PAPPA2: variants seen among roughly 807,000 people sequenced by gnomAD.
PAPPA2 encodes pappalysin 2, also known as pappalysin-2.
Under a neutral mutation model 176.4 loss-of-function variants are expected in PAPPA2, and 86 were observed. The ratio of observed to expected loss-of-function variants is 0.49; its 90% CI spans 0.41 to 0.58. PAPPA2 has a LOEUF of 0.58. PAPPA2 is among the 20% of genes least tolerant of loss of function. The pLI, the probability that PAPPA2 is intolerant of heterozygous loss-of-function variation, is 0.00. For missense variants in PAPPA2, 2,073 were observed against 2,256.9 expected, an observed-to-expected ratio of 0.92 and a Z score of 1.65; for synonymous variants, 809 against 852.2, an observed-to-expected ratio of 0.95 and a Z score of 0.88.
At chr1:176,829,888 G>A (rs1463946880) in intron 21 of PAPPA2, among the ~76,000 whole-genome samples, 1 of 152,250 alleles carries the variant, frequency 6.6e-6, no homozygotes, top group Non-Finnish European at 1.5e-5. Flanking sequence ...ACCTTACTGG[G>A]CAGGATGCCT....
intron 14 of PAPPA2, among the ~76,000 whole-genome samples, chr1:176,748,073 C>T (rs981300554): frequency 2.0e-5 from 3 of 152,138 alleles, no homozygotes; most frequent in African/African-American, 7.2e-5. Context: ...ACTTTGTATT[C>T]AATTGATTAG....
chr1:176,658,266 T>C (rs1658136635), intron 3 of PAPPA2, among the ~76,000 whole-genome samples: 1 of 151,968 alleles, frequency 6.6e-6, no homozygotes, highest in Non-Finnish European at 1.5e-5. Context: ...GTTTTGATGT[T>C]GTACAGGTTG....
At chr1:176,715,956 A>G (rs1558538556) in intron 12 of PAPPA2, among the ~76,000 whole-genome samples, 1 of 151,500 alleles carries the variant, frequency 6.6e-6, no homozygotes, top group Non-Finnish European at 1.5e-5. Context: ...GCAGTTATTA[A>G]TAAAATATGC....
Position 176,656,443 on chromosome 1 carries a change from G to A in PAPPA2, c.1992-14527G>A, listed in dbSNP as rs188386504. The stretch of plus-strand genomic sequence containing the variant: ...TGACAACTCTTTGTATGGTGACTAA[G>A]GGCAGAGCAGATTCTTGGCAAAAAC... On this transcript the variant is annotated intron_variant, in intron 3 of 22. Transcript: ENST00000367662. 3.9e-5 allele frequency among the ~76,000 whole-genome samples: 6 copies of A among 151,948 alleles called. No homozygotes were observed. The East Asian group carries it at 1.2e-3, about 30-fold the overall frequency.
At chr1:176,705,376 T>C (rs1440345808) in intron 9 of PAPPA2, among the ~76,000 whole-genome samples, 1 of 152,218 alleles carries the variant, frequency 6.6e-6, no homozygotes, top group Non-Finnish European at 1.5e-5. Flanking sequence ...TCATTTCTAA[T>C]TATTTAATCT....
At chr1:176,730,605 T>TG (rs1662095707) in intron 12 of PAPPA2, among the ~76,000 whole-genome samples, 1 of 151,700 alleles carries the variant, frequency 6.6e-6, no homozygotes. Flanking sequence ...TTTTGTTTTT[T>TG]TTTTGTATTT....
chr1:176,764,258 TAGC>T (rs1325741095), intron 14 of PAPPA2, among the ~76,000 whole-genome samples: 12 of 152,112 alleles, frequency 7.9e-5, no homozygotes, highest in Non-Finnish European at 1.5e-4. Flanking sequence ...ATCCAAACCA[TAGC>T]AGAAGGCCTT....
At chr1:176,697,345 T>C (rs1367338251) in intron 7 of PAPPA2, among the ~76,000 whole-genome samples, 1 of 152,162 alleles carries the variant, frequency 6.6e-6, no homozygotes, top group Non-Finnish European at 1.5e-5. Context: ...ATAATAATTA[T>C]CAGACAAAAT....
intron 4 of PAPPA2, among the ~76,000 whole-genome samples, chr1:176,685,399 C>T (rs1659789950): frequency 1.3e-5 from 2 of 152,232 alleles, no homozygotes; most frequent in Non-Finnish European, 1.5e-5. Flanking sequence ...AAAGAAGGAG[C>T]CCTGGCCTCT....
At chr1:176,660,137 AAGG>A (rs1282340289) in intron 3 of PAPPA2, among the ~76,000 whole-genome samples, 1 of 152,084 alleles carries the variant, frequency 6.6e-6, no homozygotes, top group Non-Finnish European at 1.5e-5. Context: ...GTCCTTAAAG[AAGG>A]ATAGCACTGA....
At chr1:176,701,160 C>A (rs1428504475) in intron 8 of PAPPA2, among the ~76,000 whole-genome samples, 3 of 152,020 alleles carry the variant, frequency 2.0e-5, no homozygotes, top group Non-Finnish European at 2.9e-5. Context: ...TAGTAAATAG[C>A]AAAATCGGAA....
At chr1:176,727,523 T>A (rs967009601) in intron 12 of PAPPA2, among the ~76,000 whole-genome samples, 2 of 152,084 alleles carry the variant, frequency 1.3e-5, no homozygotes, top group Non-Finnish European at 2.9e-5. Flanking sequence ...AATCTTGTTA[T>A]AAATTGAAGC....
At position 176,769,792 on chromosome 1, in the gene PAPPA2, C is replaced by A. The variant is rs371830927; in HGVS notation, c.4501+8C>A. ...CACCAGCCAAGCTGCAAGGTATTGT[C>A]TGGTCAACCAGGAACTGTATGCAAG... On this transcript the variant is annotated splice_region_variant and intron_variant, in intron 16 of 22. Transcript: ENST00000367662. The A allele has an allele frequency of 5.0e-6, 8 of 1,596,642 alleles. No homozygotes were observed. The African/African-American group carries it at 1.1e-4, about 22-fold the overall frequency.
At chr1:176,572,036 A>G (rs1332189239) in intron 2 of PAPPA2, among the ~76,000 whole-genome samples, 3 of 152,182 alleles carry the variant, frequency 2.0e-5, no homozygotes, top group Non-Finnish European at 4.4e-5. Flanking sequence ...AACCCAGCCC[A>G]TCTCTGCTTC....
intron 1 of PAPPA2, among the ~76,000 whole-genome samples, chr1:176,513,431 T>C (rs936306490): frequency 6.6e-6 from 1 of 152,184 alleles, no homozygotes; most frequent in African/African-American, 2.4e-5. Flanking sequence ...GAGAAGAGTC[T>C]ACCTCTCCTT....
At chr1:176,715,651 C>T (rs556866445) in intron 12 of PAPPA2, among the ~76,000 whole-genome samples, 21 of 152,342 alleles carry the variant, frequency 1.4e-4, no homozygotes, top group Non-Finnish European at 2.5e-4. Flanking sequence ...GCCACCCTTA[C>T]CCCTGTGGGG....
intron 4 of PAPPA2, among the ~76,000 whole-genome samples, 155 bp downstream of exon 4, chr1:176,671,270 C>T (rs543480913): frequency 3.9e-5 from 6 of 152,188 alleles, no homozygotes; most frequent in Non-Finnish European, 7.3e-5. Context: ...TTAGTAGAGC[C>T]TGTCAAAATG....
At chr1:176,578,844 T>C (rs1652800435) in intron 2 of PAPPA2, among the ~76,000 whole-genome samples, 1 of 152,214 alleles carries the variant, frequency 6.6e-6, no homozygotes, top group Non-Finnish European at 1.5e-5. Context: ...ACAATGTTCC[T>C]GAAATACCTG....
At chr1:176,793,700 G>A in intron 20 of PAPPA2, 31 bp downstream of exon 20, 2 of 1,503,802 alleles carry the variant, frequency 1.3e-6, no homozygotes, top group Non-Finnish European at 1.8e-6. Context: ...ATGTGCCAAA[G>A]ACATGAGTCT....
Sources: allele counts gnomAD v4.1 joint callset (sites outside exome capture counted in the v4.1 genomes callset), GRCh38; gene constraint gnomAD v4.1.1; transcripts MANE v1.5; gene names NCBI Gene and HGNC (gene_info 2026-07-23, HGNC 2026-07-21).